Variants in CDH1 observed in about 807,000 individuals in gnomAD.
The protein encoded by CDH1 is cadherin 1.
CDH1 carries 35 observed loss-of-function variants against 84.5 expected under a neutral mutation model. The ratio of observed to expected loss-of-function variants is 0.41; its 90% CI spans 0.32 to 0.55. The LOEUF (loss-of-function observed/expected upper bound fraction) is 0.55. Ranked by LOEUF, CDH1 falls within the 20% of genes least tolerant of loss-of-function variation. CDH1 has a pLI of 0.19. For synonymous variants in CDH1, 417 were observed against 439.0 expected (o/e 0.95, Z 0.63); for missense variants, 994 against 1,126.6 (o/e 0.88, Z 1.68).
At chr16:68,768,418 TAGAG>T (rs1959451216) in intron 2 of CDH1, among the ~76,000 whole-genome samples, 1 of 152,228 alleles carries the variant, frequency 6.6e-6, no homozygotes, top group African/African-American at 2.4e-5. Flanking sequence ...ATCTGTTCCT[TAGAG>T]AGGATCCAGT....
Position 68,788,328 on chromosome 16 carries a change from G to A in CDH1, c.164-13342G>A, listed in dbSNP as rs73559199. Reference sequence around the variant, plus strand: ...ATACCACACAATTTACCCACTGTAAGTGTACAGTTAGATAATTTTTATAAA... The same window carrying A: ...ATACCACACAATTTACCCACTGTAAATGTACAGTTAGATAATTTTTATAAA... On this transcript the variant is annotated intron_variant, in intron 2 of 15. Transcript: ENST00000261769. Among the ~76,000 whole-genome samples the A allele has an allele frequency of 5.3e-3, 803 of 152,230 alleles. 9 individuals carry two copies. The highest frequency in any genetic ancestry group is 0.018 in the African/African-American group (744 of 41,524).
intron 2 of CDH1, among the ~76,000 whole-genome samples, chr16:68,781,790 CCTTTGGGATCTGAGACT>C (rs1959886508): frequency 1.3e-5 from 2 of 152,056 alleles, no homozygotes; most frequent in Non-Finnish European, 1.5e-5. Flanking sequence ...ATCTTTAATC[CCTTTGGGATCTGAGACT>C]CTTTGAGAGA....
chr16:68,827,502 G>A (rs181227242), intron 13 of CDH1, among the ~76,000 whole-genome samples: 8 of 151,886 alleles, frequency 5.3e-5, no homozygotes, highest in East Asian at 3.9e-4. Flanking sequence ...AAGATCAAAT[G>A]TAACCCTTGT....
At chr16:68,796,205 G>C (rs1960357387) in intron 2 of CDH1, among the ~76,000 whole-genome samples, 1 of 152,106 alleles carries the variant, frequency 6.6e-6, no homozygotes, top group South Asian at 2.1e-4. Flanking sequence ...GTATTCTTTG[G>C]TGTTCGCTGT....
chr16:68,786,255 T>G (rs1960041449), intron 2 of CDH1, among the ~76,000 whole-genome samples: 1 of 152,118 alleles, frequency 6.6e-6, no homozygotes, highest in African/African-American at 2.4e-5. Context: ...CACTGCAACC[T>G]CTTCATCCTG....
chr16:68,786,520 C>CTTTTTTTT (rs1323536677), intron 2 of CDH1, among the ~76,000 whole-genome samples: 17 of 77,496 alleles, frequency 2.2e-4, no homozygotes, highest in South Asian at 8.2e-4. Context: ...TTTCTGCTTT[C>CTTTTTTTT]TTTTTTTTTT....
rs566483621 is a variant in CDH1 at position 68,795,711 on chromosome 16, G to C, written c.164-5959G>C. ...GGGTTTCACCATGTTGACCAGGCTGGTCTTGAACTCCTGACCTCAGGTGAT... is the reference window on the plus strand; with the variant it reads ...GGGTTTCACCATGTTGACCAGGCTGCTCTTGAACTCCTGACCTCAGGTGAT... On this transcript the variant is annotated intron_variant, in intron 2 of 15. Transcript: ENST00000261769. 5.9e-5 allele frequency among the ~76,000 whole-genome samples: 9 copies of C among 151,616 alleles called. No homozygotes were observed. The South Asian group carries it at 1.9e-3, about 32-fold the overall frequency.
In CDH1 at chr16:68,771,609, G is replaced by A. The variant is rs201529249; in HGVS notation, c.164-30061G>A. On this transcript the variant is annotated intron_variant, in intron 2 of 15. Coordinates refer to ENST00000261769, the MANE Select transcript of CDH1 (RefSeq NM_004360.5). Reference sequence around the variant, plus strand: ...TCTATTAAAAATACAAAAATTAGCTGGGCGTGGTGGCGCATGCCTGTAGTC... The same window carrying A: ...TCTATTAAAAATACAAAAATTAGCTAGGCGTGGTGGCGCATGCCTGTAGTC... Among the ~76,000 whole-genome samples the A allele has an allele frequency of 5.5e-4, 83 of 152,176 alleles. 1 individual carries two copies. In the South Asian group the frequency reaches 1.0e-2, roughly 18 times the overall value.
At chr16:68,761,466 T>C (rs1190783087) in intron 2 of CDH1, among the ~76,000 whole-genome samples, 1 of 152,226 alleles carries the variant, frequency 6.6e-6, no homozygotes, top group Non-Finnish European at 1.5e-5. Flanking sequence ...GGAGGGGCTG[T>C]TATGCGCCAA....
chr16:68,738,140 G>C (rs1037654848), intron 1 of CDH1, among the ~76,000 whole-genome samples, 157 bp from the exon 2 acceptor site: 1 of 152,130 alleles, frequency 6.6e-6, no homozygotes, highest in African/African-American at 2.4e-5. Context: ...CGGGGTGGGG[G>C]AGGGTGACGT....
At position 68,809,226 on chromosome 16, in the gene CDH1, C is replaced by CTTTTTTT. The variant is rs536314715; in HGVS notation, c.687+388_687+394dup. 6.7e-4 allele frequency among the ~76,000 whole-genome samples: 91 copies of CTTTTTTT among 135,480 alleles called. 1 individual carries two copies. The highest frequency in any genetic ancestry group is 2.3e-3 in the African/African-American group (85 of 36,518). 88.9% of individuals were successfully genotyped at this position (135,480 alleles called of 152,430 possible). ...CAAGAGCTTAGGAAAACCAAGAGGT[C>CTTTTTTT]TTTTTTTTTTTTTTTTGAGATAGGG... On this transcript the variant is annotated intron_variant, in intron 5 of 15. Transcript: ENST00000261769.
At chr16:68,757,344 G>A (rs1963041743) in intron 2 of CDH1, among the ~76,000 whole-genome samples, 1 of 152,150 alleles carries the variant, frequency 6.6e-6, no homozygotes, top group African/African-American at 2.4e-5. Context: ...GCCTCCCAAA[G>A]TGCTGGGATT....
intron 2 of CDH1, among the ~76,000 whole-genome samples, chr16:68,758,736 A>G (rs2051830534): frequency 6.6e-6 from 1 of 150,444 alleles, no homozygotes; most frequent in South Asian, 2.1e-4. Flanking sequence ...GAAGAGTGAT[A>G]CCCCCTTATC....
intron 12 of CDH1, chr16:68,822,942 C>T (rs534602408): frequency 2.6e-4 from 62 of 239,802 alleles, no homozygotes; most frequent in African/African-American, 1.4e-3. Context: ...TTGGGTTCCA[C>T]CTGCACAGAC....
chr16:68,773,501 G>C (rs1260305586), intron 2 of CDH1, among the ~76,000 whole-genome samples: 1 of 152,190 alleles, frequency 6.6e-6, no homozygotes. Context: ...GTTTCGCCAT[G>C]TTGGCCAGGC....
At chr16:68,788,593 C>T (rs1337879896) in intron 2 of CDH1, among the ~76,000 whole-genome samples, 2 of 152,180 alleles carry the variant, frequency 1.3e-5, no homozygotes, top group Non-Finnish European at 2.9e-5. Flanking sequence ...GATGTTTGAT[C>T]CTTTTTATTG....
At chr16:68,758,712 G>T (rs973065989) in intron 2 of CDH1, among the ~76,000 whole-genome samples, 1 of 151,866 alleles carries the variant, frequency 6.6e-6, no homozygotes, top group Admixed American at 6.6e-5. Context: ...GAGCCACAGA[G>T]GATTGAGTAT....
At chr16:68,788,264 G>A (rs867835113) in intron 2 of CDH1, among the ~76,000 whole-genome samples, 1 of 152,150 alleles carries the variant, frequency 6.6e-6, no homozygotes, top group East Asian at 1.9e-4. Flanking sequence ...GACCCTAATA[G>A]CTATATATTT....
In CDH1 at chr16:68,829,766, A is replaced by G; in HGVS notation, c.2408A>G (p.Asn803Ser). Residue 803 changes from asparagine to serine, a missense_variant, in exon 15 of 16, where the codon AAT (asparagine) becomes AGT (serine). By Grantham distance (46) the Asn-to-Ser change is conservative. Coordinates refer to ENST00000261769, the MANE Select transcript of CDH1 (RefSeq NM_004360.5). Reference protein sequence around the residue: ...SVPRYLPRPANPDEIGNFIDE... With the variant: ...SVPRYLPRPASPDEIGNFIDE... ...CCCCGGTATCTTCCCCGCCCTGCCA[A>G]TCCCGATGAAATTGGAAATTTTATT... 1 of 1,613,984 alleles carries G rather than the reference A, an allele frequency of 6.2e-7. No homozygotes were observed. The highest frequency in any genetic ancestry group is 8.5e-7 in the Non-Finnish European group (1 of 1,180,010).
Sources: gnomAD v4.1 joint callset for allele counts (sites outside exome capture counted in the v4.1 genomes callset) on GRCh38, gnomAD v4.1.1 for gene constraint, MANE v1.5 for transcripts, NCBI Gene and HGNC (gene_info 2026-07-23, HGNC 2026-07-21) for gene names.